The following MSI2 variants were observed in gnomAD, a reference collection of about 807,000 sequenced individuals.
MSI2 encodes musashi RNA binding protein 2.
MSI2 carries 17 observed loss-of-function variants against 45.6 expected under a neutral mutation model. That is an observed-to-expected ratio of 0.37 (90% CI 0.26 to 0.56). MSI2 has a LOEUF of 0.56. Ranked by LOEUF, MSI2 falls within the 20% of genes least tolerant of loss-of-function variation. The probability of loss-of-function intolerance (pLI) is 0.77; values close to 1 mark genes in which losing one functional copy is unlikely to be tolerated. For missense variants in MSI2, 293 were observed against 444.2 expected (o/e 0.66, Z 3.06); for synonymous variants, 156 against 158.2 (o/e 0.99, Z 0.11).
At chr17:57,275,566 G>T (rs1414173078) in intron 5 of MSI2, among the ~76,000 whole-genome samples, 1 of 152,198 alleles carries the variant, frequency 6.6e-6, no homozygotes, top group Admixed American at 6.5e-5. Flanking sequence ...TGTCGGGGCT[G>T]GGAAAGCCCC....
At chr17:57,385,224 C>T (rs538900689) in intron 5 of MSI2, among the ~76,000 whole-genome samples, 5 of 152,272 alleles carry the variant, frequency 3.3e-5, no homozygotes, top group Admixed American at 6.5e-5. Context: ...AAAATGGTTA[C>T]CCTTTGTCTA....
intron 5 of MSI2, among the ~76,000 whole-genome samples, chr17:57,388,974 T>G: frequency 7.3e-6 from 1 of 137,636 alleles, no homozygotes; most frequent in Non-Finnish European, 1.6e-5. Context: ...TTCTTCTTCT[T>G]CTTCTTCTTT....
chr17:57,458,299 A>ACTGTGTTAGCCAGGATGGTCTCGAT (rs1242637775), intron 6 of MSI2, among the ~76,000 whole-genome samples: 2 of 152,060 alleles, frequency 1.3e-5, no homozygotes, highest in East Asian at 3.9e-4. Flanking sequence ...ACGGGGTTTC[A>ACTGTGTTAGCCAGGATGGTCTCGAT]CTGTGTTAGC....
intron 10 of MSI2, among the ~76,000 whole-genome samples, chr17:57,650,301 C>T (rs1419649823): frequency 1.3e-5 from 2 of 152,170 alleles, no homozygotes; most frequent in African/African-American, 4.8e-5. Flanking sequence ...AATGACTCAC[C>T]TGCACCCTCT....
chr17:57,357,749 T>C (rs770647863), intron 5 of MSI2, among the ~76,000 whole-genome samples: 1 of 152,194 alleles, frequency 6.6e-6, no homozygotes, highest in Non-Finnish European at 1.5e-5. Context: ...AGTAAGAGGA[T>C]TGTGCTTTCA....
intron 11 of MSI2, among the ~76,000 whole-genome samples, chr17:57,670,055 G>A (rs11079321): frequency 0.28 from 43,140 of 152,102 alleles, 6,385 homozygotes; most frequent in East Asian, 0.42. Flanking sequence ...CTTGTTCCAA[G>A]TATGTGAACT....
At chr17:57,609,290 C>T (rs1567933946) in intron 8 of MSI2, among the ~76,000 whole-genome samples, 1 of 149,394 alleles carries the variant, frequency 6.7e-6, no homozygotes, top group Non-Finnish European at 1.5e-5. Context: ...GACAGATACC[C>T]ACCCTAGAAG....
intron 6 of MSI2, among the ~76,000 whole-genome samples, chr17:57,474,359 G>T (rs1023178454): frequency 2.6e-5 from 4 of 152,142 alleles, no homozygotes; most frequent in African/African-American, 9.7e-5. Flanking sequence ...CTTGTAAGTG[G>T]CAGAGCTGTT....
chr17:57,330,439 C>T (rs574116396), intron 5 of MSI2, among the ~76,000 whole-genome samples: 12 of 151,918 alleles, frequency 7.9e-5, no homozygotes, highest in South Asian at 6.3e-4. Context: ...TGCTTGCCGC[C>T]GGCTAATTTT....
chr17:57,359,696 C>T (rs757224564), intron 5 of MSI2, among the ~76,000 whole-genome samples: 9 of 152,250 alleles, frequency 5.9e-5, no homozygotes, highest in Non-Finnish European at 8.8e-5. Context: ...TGCTGCTTCC[C>T]TTTCGGAAAT....
At chr17:57,672,827 T>A (rs1007407198) in intron 11 of MSI2, among the ~76,000 whole-genome samples, 10 of 152,356 alleles carry the variant, frequency 6.6e-5, no homozygotes, top group African/African-American at 2.4e-4. Context: ...TAATACCGCC[T>A]TTTGAATATC....
intron 5 of MSI2, among the ~76,000 whole-genome samples, chr17:57,355,303 T>A (rs963285558): frequency 5.9e-5 from 9 of 152,226 alleles, no homozygotes; most frequent in Admixed American, 1.3e-4. Context: ...CTGCTTTCTT[T>A]CAGCATCTGC....
intron 7 of MSI2, among the ~76,000 whole-genome samples, chr17:57,569,068 G>A (rs1227652237): frequency 6.6e-6 from 1 of 152,086 alleles, no homozygotes; most frequent in Admixed American, 6.6e-5. Flanking sequence ...TTGCAGTAAA[G>A]CTTGGCAAGG....
At chr17:57,419,691 C>G (rs905767580) in intron 6 of MSI2, among the ~76,000 whole-genome samples, 3 of 152,272 alleles carry the variant, frequency 2.0e-5, no homozygotes, top group African/African-American at 7.2e-5. Context: ...CATTTCTCAA[C>G]TAGCTGCACC....
chr17:57,265,448 AG>A (rs1455218294), intron 5 of MSI2: 1 of 152,240 alleles, frequency 6.6e-6, no homozygotes, highest in Non-Finnish European at 1.5e-5. Context: ...TAACTTAAAA[AG>A]AAAGAAAATC....
At chr17:57,489,264 GC>G (rs1382390728) in intron 6 of MSI2, among the ~76,000 whole-genome samples, 1 of 152,174 alleles carries the variant, frequency 6.6e-6, no homozygotes, top group Non-Finnish European at 1.5e-5. Context: ...TGTGGTGTTG[GC>G]ATTGGGGTCT....
intron 11 of MSI2, among the ~76,000 whole-genome samples, chr17:57,656,580 G>A (rs1567963013): frequency 6.6e-6 from 1 of 151,774 alleles, no homozygotes; most frequent in Non-Finnish European, 1.5e-5. Context: ...GAGATCCTTG[G>A]TCTGCAGACA....
At chr17:57,597,352 C>T (rs1433132412) in intron 8 of MSI2, among the ~76,000 whole-genome samples, 2 of 150,988 alleles carry the variant, frequency 1.3e-5, no homozygotes, top group East Asian at 3.9e-4. Flanking sequence ...AAAACCAGGC[C>T]AAGCATGATG....
chr17:57,612,835 G>A (rs1326638596), intron 8 of MSI2, among the ~76,000 whole-genome samples: 1 of 152,232 alleles, frequency 6.6e-6, no homozygotes, highest in Non-Finnish European at 1.5e-5. Flanking sequence ...GTCACCGATA[G>A]GGCTATTAGG....
Sources: allele counts gnomAD v4.1 joint callset (sites outside exome capture counted in the v4.1 genomes callset), GRCh38; gene constraint gnomAD v4.1.1; transcripts MANE v1.5; gene names NCBI Gene and HGNC (gene_info 2026-07-23, HGNC 2026-07-21).